DST: variants seen among roughly 807,000 people sequenced by gnomAD.
DST encodes the protein dystonin.
In DST, 253 loss-of-function variants were observed where a neutral mutation model predicts 875.2. That is an observed-to-expected ratio of 0.29 (90% CI 0.26 to 0.32). The LOEUF (loss-of-function observed/expected upper bound fraction) is 0.32, where lower values mean the gene tolerates loss of function less well. Ranked by LOEUF, DST falls within the 10% of genes least tolerant of loss-of-function variation. DST has a pLI of 1.00. For synonymous variants in DST, 3,124 were observed against 3,197.1 expected (o/e 0.98, Z 0.77); for missense variants, 8,287 against 9,111.6 (o/e 0.91, Z 3.68).
At chr6:56,628,858 C>G (rs2098754945) in intron 32 of DST, among the ~76,000 whole-genome samples, 1 of 152,136 alleles carries the variant, frequency 6.6e-6, no homozygotes, top group Non-Finnish European at 1.5e-5. Context: ...CAGGGCATTT[C>G]CATTTATTTA....
intron 4 of DST, among the ~76,000 whole-genome samples, chr6:56,788,014 A>G (rs1375935050): frequency 6.7e-6 from 1 of 149,588 alleles, no homozygotes; most frequent in Non-Finnish European, 1.5e-5. Flanking sequence ...CAGCAATCCT[A>G]GCTACTCGTG....
intron 58 of DST, among the ~76,000 whole-genome samples, chr6:56,559,956 A>T (rs2097508413): frequency 6.6e-6 from 1 of 152,152 alleles, no homozygotes; most frequent in Non-Finnish European, 1.5e-5. Flanking sequence ...ACAATATAAT[A>T]CAGCTTAAAA....
intron 4 of DST, among the ~76,000 whole-genome samples, chr6:56,814,752 T>C (rs1256859690): frequency 2.0e-5 from 3 of 152,218 alleles, no homozygotes; most frequent in South Asian, 4.1e-4. Flanking sequence ...ACTCTAGAGG[T>C]ATACTTCGTC....
rs544201440 is a variant in DST at position 56,917,677 on chromosome 6, T to C, written c.217-17056A>G. On this transcript the variant is annotated intron_variant, in intron 2 of 103. Transcript: ENST00000680361. ...CTGTTGACTTTTCCCAGTAGACTGATTTAAAAGAAGTTTATTTCAATGTGG... is the reference window on the plus strand; with the variant it reads ...CTGTTGACTTTTCCCAGTAGACTGACTTAAAAGAAGTTTATTTCAATGTGG... Among the ~76,000 whole-genome samples the C allele has an allele frequency of 6.6e-5, 10 of 152,338 alleles. No individual in the cohort carries two copies. In the South Asian group the frequency reaches 8.3e-4, roughly 13 times the overall value.
At position 56,714,451 on chromosome 6, in the gene DST, T is replaced by C. The variant is rs2099388111; in HGVS notation, c.688-10082A>G. Among the ~76,000 whole-genome samples the C allele has an allele frequency of 1.3e-5, 2 of 152,204 alleles. No individual in the cohort carries two copies. On this transcript the variant is annotated intron_variant, in intron 5 of 103. Coordinates refer to ENST00000680361, the MANE Select transcript of DST (RefSeq NM_001374736.1). This position sits in a 1 kb window ranked among gnomAD's most constrained non-coding sequence, Gnocchi z 4.5. ...GCTTAAAAACTAGTTTTCCCAGTTG[T>C]AAAAGCCCAGTGTCACAGAAGAGGT...
At chr6:56,884,273 C>T (rs1191673820) in intron 3 of DST, among the ~76,000 whole-genome samples, 1 of 152,104 alleles carries the variant, frequency 6.6e-6, no homozygotes, top group Admixed American at 6.6e-5. Flanking sequence ...ATCACTCCCA[C>T]ATTTTTTCTT....
intron 71 of DST, 22 bp from the exon 72 acceptor site, chr6:56,515,690 T>C (rs747619118): frequency 4.5e-6 from 7 of 1,555,142 alleles, no homozygotes; most frequent in Non-Finnish European, 3.5e-6. Context: ...AAGGATGAAA[T>C]GTTTAACTGG....
intron 5 of DST, among the ~76,000 whole-genome samples, chr6:56,713,287 T>C (rs1269138828): frequency 1.3e-5 from 2 of 152,162 alleles, no homozygotes; most frequent in Non-Finnish European, 2.9e-5. Context: ...TACTTTGCAA[T>C]TCTGATTAAA....
At position 56,485,413 on chromosome 6, in the gene DST, C is replaced by T; in HGVS notation, c.21106G>A (p.Ala7036Thr). ...ACTCTATATAACCAATCAATGAGAG[C>T]CTGTAGGGCATCTGTGAATTGTCCA... ...FSGQFTDALQ[A>T]LIDWLYRVEP... The change falls in exon 88 of 104, where the codon GCT (alanine) becomes ACT (threonine). Residue 7036 changes from alanine to threonine, a missense_variant. Physicochemically the swap from Ala to Thr is moderately conservative, Grantham distance 58. Coordinates refer to ENST00000680361, the MANE Select transcript of DST (RefSeq NM_001374736.1). 1 of 1,613,930 alleles carries T rather than the reference C, an allele frequency of 6.2e-7. No homozygotes were observed. Among genetic ancestry groups the T allele is most frequent in the Non-Finnish European group, 8.5e-7 (1 of 1,179,864 alleles).
Position 56,527,567 on chromosome 6 carries a change from C to T in DST, c.17848G>A (p.Glu5950Lys), listed in dbSNP as rs1174728219. The change falls in exon 68 of 104, where the codon GAG (glutamate) becomes AAG (lysine). Residue 5950 changes from glutamate (E) to lysine (K), a missense_variant. Glu to Lys is a moderately conservative substitution (Grantham distance 56). Around this residue, in one of 10 missense-constraint regions of DST, gnomAD observed 777 missense variants for 764.8 expected, o/e 1.02. Coordinates refer to ENST00000680361, the MANE Select transcript of DST (RefSeq NM_001374736.1). Reference sequence around the variant, plus strand: ...GTTTCATATGAAAGTAATTCCACCTCCACTTTGTCCAGCCAGGTACACAGC... The same window carrying T: ...GTTTCATATGAAAGTAATTCCACCTTCACTTTGTCCAGCCAGGTACACAGC... ...EELCTWLDKVEVELLSYETQV... is the reference protein window; with the variant it reads ...EELCTWLDKVKVELLSYETQV... The T allele has an allele frequency of 1.2e-6, 2 of 1,613,730 alleles. No individual in the cohort carries two copies. Among genetic ancestry groups the T allele is most frequent in the Middle Eastern group, 3.3e-4 (2 of 6,084 alleles).
At chr6:56,693,008 T>C in intron 9 of DST, 3 of 1,289,816 alleles carry the variant, frequency 2.3e-6, no homozygotes, top group South Asian at 1.2e-5. Context: ...ACTGACTCTT[T>C]GTCACCTCCA....
chr6:56,735,924 C>G (rs1408135293), intron 4 of DST, among the ~76,000 whole-genome samples: 2 of 152,138 alleles, frequency 1.3e-5, no homozygotes, highest in Non-Finnish European at 2.9e-5. Flanking sequence ...ATGATCTCCA[C>G]TCACTGCAAC....
intron 36 of DST, chr6:56,619,457 T>C (rs771438689): frequency 6.2e-7 from 1 of 1,611,856 alleles, no homozygotes; most frequent in Non-Finnish European, 8.5e-7. Flanking sequence ...ATGATCTGAT[T>C]TTCTCTGGCA....
At chr6:56,832,994 C>G (rs1296192472) in intron 4 of DST, among the ~76,000 whole-genome samples, 3 of 152,294 alleles carry the variant, frequency 2.0e-5, no homozygotes, top group Non-Finnish European at 4.4e-5. Context: ...CTGCCTTGGC[C>G]TTCCAAAGTG....
intron 2 of DST, among the ~76,000 whole-genome samples, chr6:56,914,879 G>C (rs903167144): frequency 3.3e-5 from 5 of 152,210 alleles, no homozygotes; most frequent in African/African-American, 1.2e-4. Flanking sequence ...GAATAGACAA[G>C]AGTTCTAGAG....
intron 62 of DST, 40 bp from the exon 63 acceptor site, chr6:56,535,332 A>C: frequency 6.5e-7 from 1 of 1,540,510 alleles, no homozygotes; most frequent in Non-Finnish European, 8.7e-7. Context: ...TATTTGTTTC[A>C]CAAAATAATG....
At chr6:56,712,090 C>CAAAAAAAAAAAAAAAAAAAAAAAAAAAA (rs34769867) in intron 5 of DST, among the ~76,000 whole-genome samples, 3 of 76,534 alleles carry the variant, frequency 3.9e-5, no homozygotes, top group Non-Finnish European at 9.5e-5. Flanking sequence ...GACTCCGTCT[C>CAAAAAAAAAAAAAAAAAAAAAAAAAAAA]AAAAAAAAAA....
chr6:56,620,434 A>G lies in DST; in HGVS notation c.4929+4096T>C, dbSNP rs1404679056. Reference sequence around the variant, plus strand: ...CTTCCTTCTCTCTCACAATGGTTTCAAGTTCCCTGCGGTACTGCTTGGCTT... The same window carrying G: ...CTTCCTTCTCTCTCACAATGGTTTCGAGTTCCCTGCGGTACTGCTTGGCTT... On this transcript the variant is annotated intron_variant, in intron 36 of 103. Transcript: ENST00000680361. The G allele has an allele frequency of 1.9e-6, 3 of 1,613,994 alleles. No homozygotes were observed. Among genetic ancestry groups the G allele is most frequent in the Non-Finnish European group, 2.5e-6 (3 of 1,180,024 alleles).
chr6:56,630,557 C>T (rs1167786347), intron 30 of DST, among the ~76,000 whole-genome samples, 174 bp from the exon 31 acceptor site: 1 of 152,106 alleles, frequency 6.6e-6, no homozygotes, highest in Non-Finnish European at 1.5e-5. Flanking sequence ...AGAGTATGTG[C>T]TCCAACCCAT....
Sources: allele counts gnomAD v4.1 joint callset (sites outside exome capture counted in the v4.1 genomes callset), GRCh38; gene constraint gnomAD v4.1.1; regional missense constraint gnomAD v4.1.1; non-coding constraint Gnocchi (gnomAD v3.1); transcripts MANE v1.5; gene names NCBI Gene and HGNC (gene_info 2026-07-23, HGNC 2026-07-21).